The following MSI2 variants were observed in gnomAD, a reference collection of about 807,000 sequenced individuals.
MSI2 encodes the protein RNA-binding protein Musashi homolog 2.
MSI2 carries 17 observed loss-of-function variants against 45.6 expected under a neutral mutation model. The observed-to-expected ratio is 0.37, with a 90% CI of 0.26 to 0.56. The LOEUF (loss-of-function observed/expected upper bound fraction) is 0.56. Among genes scored for constraint, MSI2 ranks in the 20% least tolerant of loss-of-function variants. The probability of loss-of-function intolerance (pLI) is 0.77; values close to 1 mark genes in which losing one functional copy is unlikely to be tolerated. For missense variants in MSI2, 293 were observed against 444.2 expected, an observed-to-expected ratio of 0.66 and a Z score of 3.06; for synonymous variants, 156 against 158.2, an observed-to-expected ratio of 0.99 and a Z score of 0.11.
intron 6 of MSI2, among the ~76,000 whole-genome samples, chr17:57,437,547 G>A (rs574394738): frequency 2.6e-5 from 4 of 152,162 alleles, no homozygotes; most frequent in Admixed American, 6.5e-5. Flanking sequence ...TGTTTTCAGC[G>A]GGTTGCCAGG....
chr17:57,625,132 G>T (rs1156460783), intron 9 of MSI2, among the ~76,000 whole-genome samples: 2 of 152,106 alleles, frequency 1.3e-5, no homozygotes, highest in African/African-American at 4.8e-5. Context: ...CACCCCAAAG[G>T]CCCCATCTCC....
At chr17:57,461,267 G>A (rs954322777) in intron 6 of MSI2, among the ~76,000 whole-genome samples, 1 of 152,160 alleles carries the variant, frequency 6.6e-6, no homozygotes, top group Non-Finnish European at 1.5e-5. Context: ...CCTGCTCCCC[G>A]AGGGCCACAC....
intron 6 of MSI2, among the ~76,000 whole-genome samples, chr17:57,419,305 C>T (rs1457789756): frequency 1.3e-5 from 2 of 151,896 alleles, no homozygotes; most frequent in Non-Finnish European, 2.9e-5. Context: ...TTAGAGTGAC[C>T]CCCAAATTGG....
intron 7 of MSI2, among the ~76,000 whole-genome samples, chr17:57,530,453 A>G (rs1365828421): frequency 6.6e-6 from 1 of 152,226 alleles, no homozygotes; most frequent in South Asian, 2.1e-4. Context: ...TTATTGCTTT[A>G]AACAGAAAAA....
chr17:57,512,968 C>CTTTTTTTTTTTTTTTTTTTTTTTTTTTTT lies in MSI2; in HGVS notation c.406-16691_406-16690insTTTTTTTTTTTTTTTTTTTTTTTTTTTTT, dbSNP rs34727727. 3.5e-5 allele frequency among the ~76,000 whole-genome samples: 4 copies of CTTTTTTTTTTTTTTTTTTTTTTTTTTTTT among 114,718 alleles called. 1 individual carries two copies. 75.3% of individuals were successfully genotyped at this position (114,718 alleles called of 152,430 possible). ...ATATTGCACATGAATTAGCTTCTTCCTTTTTTTTTTTTTTTTTCCTTCTGA... is the reference window on the plus strand; with the variant it reads ...ATATTGCACATGAATTAGCTTCTTCCTTTTTTTTTTTTTTTTTTTTTTTTTTTTTTTTTTTTTTTTTTTTTTCCTTCTGA... On this transcript the variant is annotated intron_variant, in intron 6 of 13. Transcript: ENST00000284073.
chr17:57,483,229 G>A (rs191267429), intron 6 of MSI2, among the ~76,000 whole-genome samples: 660 of 152,082 alleles, frequency 4.3e-3, no homozygotes, highest in Middle Eastern at 0.017. Flanking sequence ...TTATAGAGTA[G>A]CCATTCTTTA....
chr17:57,581,002 A>ATTTTTTTTTTTTTT (rs1567914151), intron 7 of MSI2, among the ~76,000 whole-genome samples: 1 of 58,244 alleles, frequency 1.7e-5, no homozygotes, highest in African/African-American at 6.6e-5. Flanking sequence ...TGAGGTCAGC[A>ATTTTTTTTTTTTTT]TCTTTTTTTT....
intron 6 of MSI2, among the ~76,000 whole-genome samples, chr17:57,409,747 G>A (rs866756861): frequency 2.8e-4 from 42 of 152,152 alleles, no homozygotes; most frequent in African/African-American, 7.7e-4. Flanking sequence ...AGTGGCTCAC[G>A]CCTGTAATCC....
Position 57,636,031 on chromosome 17 carries a change from C to G in MSI2, c.727+8728C>G, listed in dbSNP as rs877070. ...AGGGTTGGTGTCTGAGGAGAGGGATCTGCTAGCTCAGGGATATCCTGTTCC... is the reference window on the plus strand; with the variant it reads ...AGGGTTGGTGTCTGAGGAGAGGGATGTGCTAGCTCAGGGATATCCTGTTCC... On this transcript the variant is annotated intron_variant, in intron 10 of 13. Coordinates refer to ENST00000284073, the MANE Select transcript of MSI2 (RefSeq NM_138962.4). 2.0e-5 allele frequency among the ~76,000 whole-genome samples: 3 copies of G among 152,064 alleles called. No individual in the cohort carries two copies. The East Asian group carries it at 5.8e-4, about 29-fold the overall frequency.
intron 8 of MSI2, 145 bp from the exon 9 acceptor site, chr17:57,615,825 G>T: frequency 1.0e-5 from 6 of 602,482 alleles, no homozygotes; most frequent in East Asian, 2.9e-5. Flanking sequence ...TATTTATTTT[G>T]CAGGCCATTT....
chr17:57,674,490 A>G (rs1913076929), intron 11 of MSI2, among the ~76,000 whole-genome samples: 1 of 152,082 alleles, frequency 6.6e-6, no homozygotes, highest in African/African-American at 2.4e-5. Context: ...CAATATTAAC[A>G]CAATGTGTAG....
intron 5 of MSI2, among the ~76,000 whole-genome samples, chr17:57,273,199 T>C (rs543086297): frequency 1.5e-4 from 23 of 152,278 alleles, no homozygotes; most frequent in African/African-American, 5.5e-4. Context: ...ACTTCTGACT[T>C]GATTAGGGGG....
chr17:57,397,386 G>A (rs1477635737), intron 5 of MSI2, among the ~76,000 whole-genome samples: 1 of 152,196 alleles, frequency 6.6e-6, no homozygotes, highest in Admixed American at 6.5e-5. Context: ...CTCAAGGAGT[G>A]GGACTGGAGT....
intron 11 of MSI2, among the ~76,000 whole-genome samples, chr17:57,673,490 T>G (rs16942150): frequency 0.052 from 7,952 of 152,282 alleles, 326 homozygotes; most frequent in East Asian, 0.23. Flanking sequence ...GAATGTCTGG[T>G]TCTTTAAGAC....
intron 6 of MSI2, among the ~76,000 whole-genome samples, chr17:57,465,487 A>G (rs1295271375): frequency 6.6e-6 from 1 of 152,098 alleles, no homozygotes; most frequent in Admixed American, 6.5e-5. Context: ...TTTTTTCGCC[A>G]TGAAATAAGT....
chr17:57,459,247 A>G (rs1445859792), intron 6 of MSI2, among the ~76,000 whole-genome samples: 3 of 152,274 alleles, frequency 2.0e-5, no homozygotes, highest in South Asian at 2.1e-4. Flanking sequence ...GTCACTGTCA[A>G]CTTTCTTCTG....
intron 5 of MSI2, among the ~76,000 whole-genome samples, chr17:57,324,081 G>C (rs1405088196): frequency 6.6e-6 from 1 of 152,206 alleles, no homozygotes; most frequent in African/African-American, 2.4e-5. Context: ...ACTGAGGTGG[G>C]AGGGTCGCTT....
intron 5 of MSI2, among the ~76,000 whole-genome samples, chr17:57,376,944 G>A (rs1024994966): frequency 7.1e-5 from 10 of 140,186 alleles, no homozygotes; most frequent in African/African-American, 2.7e-4. Context: ...TTTTTGAGAC[G>A]GAGTCTCGCT....
intron 6 of MSI2, among the ~76,000 whole-genome samples, chr17:57,420,775 C>T (rs1300187771): frequency 2.0e-5 from 3 of 152,114 alleles, no homozygotes; most frequent in Non-Finnish European, 2.9e-5. Context: ...TCAGAGAGGC[C>T]AATGAGGAGC....
Sources: allele counts gnomAD v4.1 joint callset (sites outside exome capture counted in the v4.1 genomes callset), GRCh38; gene constraint gnomAD v4.1.1; transcripts MANE v1.5; gene names NCBI Gene and HGNC (gene_info 2026-07-23, HGNC 2026-07-21).